ZSWIM6: variants seen among roughly 807,000 people sequenced by gnomAD.
ZSWIM6 encodes zinc finger SWIM-type containing 6.
A neutral mutation model predicts 113.2 loss-of-function variants in ZSWIM6; 9 were observed. That is an observed-to-expected ratio of 0.08 (90% CI 0.05 to 0.14). The LOEUF (loss-of-function observed/expected upper bound fraction) is 0.14, where lower values mean the gene tolerates loss of function less well. Ranked by LOEUF, ZSWIM6 falls within the 10% of genes least tolerant of loss-of-function variation. The pLI is 1.00. For synonymous variants in ZSWIM6, 611 were observed against 606.5 expected (o/e 1.01, Z -0.11); for missense variants, 1,162 against 1,552.2 (o/e 0.75, Z 4.22).
chr5:61,478,120 A>G (rs1173464827), intron 2 of ZSWIM6, among the ~76,000 whole-genome samples: 1 of 152,198 alleles, frequency 6.6e-6, no homozygotes, highest in African/African-American at 2.4e-5. Context: ...CTATTGTATA[A>G]TAGAACATTC....
chr5:61,495,550 A>C (rs1374888190), intron 4 of ZSWIM6, among the ~76,000 whole-genome samples: 2 of 152,128 alleles, frequency 1.3e-5, no homozygotes, highest in African/African-American at 4.8e-5. Context: ...TAATAACTTA[A>C]TCTTGCTGCT....
At chr5:61,375,219 A>G (rs1227533860) in intron 1 of ZSWIM6, 1 of 1,612,944 alleles carries the variant, frequency 6.2e-7, no homozygotes, top group Non-Finnish European at 8.5e-7. Context: ...ATCTGAATCG[A>G]CCAAGGCCTA....
At chr5:61,342,936 G>C (rs1744579088) in intron 1 of ZSWIM6, among the ~76,000 whole-genome samples, 1 of 152,094 alleles carries the variant, frequency 6.6e-6, no homozygotes, top group African/African-American at 2.4e-5. Flanking sequence ...TTCAGCTTTG[G>C]AGGATGGTTG....
chr5:61,540,028 C>T (rs897536751), intron 12 of ZSWIM6, among the ~76,000 whole-genome samples: 2 of 152,072 alleles, frequency 1.3e-5, no homozygotes, highest in Admixed American at 6.6e-5. Context: ...GCAGCCTTAA[C>T]GACACTGTTT....
chr5:61,363,295 A>G (rs990211858), intron 1 of ZSWIM6, among the ~76,000 whole-genome samples: 3 of 152,244 alleles, frequency 2.0e-5, no homozygotes, highest in African/African-American at 4.8e-5. Flanking sequence ...AAGTGTCATC[A>G]TGGAATCAGA....
At chr5:61,336,179 A>C (rs1325633445) in intron 1 of ZSWIM6, among the ~76,000 whole-genome samples, 1 of 152,114 alleles carries the variant, frequency 6.6e-6, no homozygotes. Context: ...TGGAAGGATC[A>C]CTTGAGCCCA....
intron 9 of ZSWIM6, among the ~76,000 whole-genome samples, chr5:61,533,077 A>C (rs1187520367): frequency 6.6e-6 from 1 of 152,122 alleles, no homozygotes; most frequent in Non-Finnish European, 1.5e-5. Flanking sequence ...ATATTTTTGA[A>C]CTTTGCCCTA....
At chr5:61,485,758 C>T (rs1182021661) in intron 2 of ZSWIM6, among the ~76,000 whole-genome samples, 1 of 152,154 alleles carries the variant, frequency 6.6e-6, no homozygotes, top group African/African-American at 2.4e-5. Context: ...CCCCTCAATT[C>T]ATCCTCCGTA....
chr5:61,521,992 TG>T (rs1320721671), intron 5 of ZSWIM6, among the ~76,000 whole-genome samples: 1 of 152,156 alleles, frequency 6.6e-6, no homozygotes, highest in Non-Finnish European at 1.5e-5. Context: ...GCCCACCTGC[TG>T]TAGGCTAATA....
chr5:61,529,306 A>G (rs1004989714), intron 7 of ZSWIM6, among the ~76,000 whole-genome samples: 3 of 152,272 alleles, frequency 2.0e-5, no homozygotes, highest in African/African-American at 7.2e-5. Flanking sequence ...TATCTTAAAC[A>G]TAGCTTTTTT....
rs748587850 is a variant in ZSWIM6 at position 61,544,059 on chromosome 5, C to T, written c.3390C>T (p.Leu1130=). 1.7e-5 allele frequency: 27 copies of T among 1,551,960 alleles called. 1 individual carries two copies. In the East Asian group the frequency reaches 2.2e-4, roughly 13 times the overall value. ...GLHGRRNSGK[L]MSLDKAPLRQ... The stretch of plus-strand genomic sequence containing the variant: ...ATGGGAGGAGGAACTCTGGTAAGCT[C>T]ATGTCACTGGACAAAGCCCCCTTGA... The change falls in exon 14 of 14, where the codon CTC becomes CTT. Residue 1130 remains leucine (L), a synonymous_variant. Transcript: ENST00000252744.
At chr5:61,423,290 C>G (rs555266379) in intron 1 of ZSWIM6, among the ~76,000 whole-genome samples, 1 of 152,162 alleles carries the variant, frequency 6.6e-6, no homozygotes, top group Non-Finnish European at 1.5e-5. Context: ...TGCCTGTAAT[C>G]CCAGCTACTC....
At position 61,543,682 on chromosome 5, in the gene ZSWIM6, A is replaced by G; in HGVS notation, c.3013A>G (p.Lys1005Glu). Reference sequence around the variant, plus strand: ...CCTCTCTGCGCTAACCCTTTGTGAAAAGGATCACATAGCTTTTGAGACGGC... The same window carrying G: ...CCTCTCTGCGCTAACCCTTTGTGAAGAGGATCACATAGCTTTTGAGACGGC... The part of the protein sequence containing the change: ...CALSALTLCE[K>E]DHIAFETAYQ... The change falls in exon 14 of 14, where the codon AAG becomes GAG. Residue 1005 changes from lysine to glutamate, a missense_variant. Transcript: ENST00000252744. This position sits in a 1 kb window ranked among gnomAD's most constrained non-coding sequence, Gnocchi z 4.3. 1.3e-6 allele frequency: 2 copies of G among 1,551,688 alleles called. No homozygotes were observed. Among genetic ancestry groups the G allele is most frequent in the South Asian group, 1.2e-5 (1 of 84,064 alleles).
chr5:61,454,425 T>G (rs938533656), intron 1 of ZSWIM6, among the ~76,000 whole-genome samples: 58 of 151,748 alleles, frequency 3.8e-4, no homozygotes, highest in Non-Finnish European at 7.9e-4. Flanking sequence ...CCAACTAATT[T>G]TTAAATTTTT....
At position 61,422,066 on chromosome 5, in the gene ZSWIM6, A is replaced by G. The variant is rs1352544721; in HGVS notation, c.677-50615A>G. 3.3e-5 allele frequency among the ~76,000 whole-genome samples: 5 copies of G among 152,090 alleles called. No individual in the cohort carries two copies. The East Asian group carries it at 9.6e-4, about 29-fold the overall frequency. On this transcript the variant is annotated intron_variant, in intron 1 of 13. Coordinates refer to ENST00000252744, the MANE Select transcript of ZSWIM6 (RefSeq NM_020928.2). ...CTGTGCAGCAGCTTTTAAATAATAA[A>G]TTGATGTGATCCCATTTGTCCATTT...
At chr5:61,474,663 C>A (rs547291002) in intron 2 of ZSWIM6, among the ~76,000 whole-genome samples, 1 of 152,248 alleles carries the variant, frequency 6.6e-6, no homozygotes, top group Admixed American at 6.5e-5. Flanking sequence ...CCACATGTGG[C>A]TAGTGGCTGC....
intron 1 of ZSWIM6, among the ~76,000 whole-genome samples, chr5:61,356,962 C>T (rs6861949): frequency 0.06 from 9,070 of 151,020 alleles, 893 homozygotes; most frequent in African/African-American, 0.21. Context: ...AACAGACCAA[C>T]GTAAGATGGT....
chr5:61,472,756 G>C lies in ZSWIM6; in HGVS notation c.752G>C (p.Ser251Thr). Residue 251 changes from serine (S) to threonine (T), a missense_variant, in exon 2 of 14, where the codon AGC (serine) becomes ACC (threonine). Physicochemically the swap from Ser to Thr is moderately conservative, Grantham distance 58. Coordinates refer to ENST00000252744, the MANE Select transcript of ZSWIM6 (RefSeq NM_020928.2). The surrounding 1 kb of genome is among the most constrained non-coding windows in gnomAD (Gnocchi z 4.1). ...EPETVCNVAISFDRCKITSVT... is the reference protein window; with the variant it reads ...EPETVCNVAITFDRCKITSVT... ...GAAACTGTTTGCAACGTGGCCATCA[G>C]CTTTGATCGTTGCAAGATTACCTCA... 6.4e-7 allele frequency: 1 copy of C among 1,551,558 alleles called. No individual in the cohort carries two copies. Among genetic ancestry groups the C allele is most frequent in the South Asian group, 1.2e-5 (1 of 84,010 alleles).
At chr5:61,540,916 G>GTTTTTTTTTTTTTTTTTTTTTGTTT (rs1749712828) in intron 12 of ZSWIM6, among the ~76,000 whole-genome samples, 2 of 94,590 alleles carry the variant, frequency 2.1e-5, no homozygotes, top group Admixed American at 1.1e-4. Flanking sequence ...TATTTTGTGG[G>GTTTTTTTTTTTTTTTTTTTTTGTTT]TTTTTTTTTT....
Sources: gnomAD v4.1 joint callset for allele counts (sites outside exome capture counted in the v4.1 genomes callset) on GRCh38, gnomAD v4.1.1 for gene constraint, Gnocchi (gnomAD v3.1) non-coding constraint, MANE v1.5 for transcripts, NCBI Gene and HGNC (gene_info 2026-07-23, HGNC 2026-07-21) for gene names.